Variants in UBXN2B observed in about 807,000 individuals in gnomAD.
UBXN2B encodes the protein UBX domain protein 2B, also known as UBX domain-containing protein 2B.
UBXN2B carries 19 observed loss-of-function variants against 37.5 expected under a neutral mutation model. The observed-to-expected ratio is 0.51, with a 90% CI of 0.35 to 0.74. UBXN2B has a LOEUF of 0.74. Ranked by LOEUF, UBXN2B falls within the 30% of genes least tolerant of loss-of-function variation. UBXN2B has a pLI of 0.01. For synonymous variants in UBXN2B, 145 were observed against 143.8 expected (o/e 1.01, Z -0.06); for missense variants, 370 against 393.2 (o/e 0.94, Z 0.50).
At chr8:58,438,338 T>A (rs1023026455) in intron 5 of UBXN2B, among the ~76,000 whole-genome samples, 1 of 152,056 alleles carries the variant, frequency 6.6e-6, no homozygotes, top group Non-Finnish European at 1.5e-5. Flanking sequence ...AGGTGCCACC[T>A]CCAGACCCAG....
At chr8:58,424,884 C>A (rs1455436524) in intron 2 of UBXN2B, 4 of 1,073,490 alleles carry the variant, frequency 3.7e-6, no homozygotes, top group African/African-American at 1.5e-5. Flanking sequence ...GAGACTGCAC[C>A]ATCTGGATAG....
chr8:58,445,779 A>G, intron 6 of UBXN2B, 128 bp from the exon 7 acceptor site: 2 of 753,232 alleles, frequency 2.7e-6, no homozygotes, highest in Non-Finnish European at 3.8e-6. Flanking sequence ...AAATAACTTT[A>G]ATATAATGAA....
rs1312989511 is a variant in UBXN2B at position 58,411,507 on chromosome 8, ACGCGGGCTGGTGACGG to A, written c.84+51_84+66del. The A allele has an allele frequency of 8.0e-6, 10 of 1,244,420 alleles. 1 individual carries two copies. The highest frequency in any genetic ancestry group is 6.3e-5 in the East Asian group (2 of 31,682). The allele number at this position is 1,244,420 out of a possible 1,614,324, so 77.1% of individuals were successfully genotyped here. A position where few individuals can be genotyped will look rare whatever the true frequency, so the allele number is the denominator to read the frequency against. On this transcript the variant is annotated intron_variant, in intron 1 of 7. Transcript: ENST00000399598. ...GCCGGGGGAGGGAGCGCGGCGGTGG[ACGCGGGCTGGTGACGG>A]CGCGGGCTGGTGCGAGTTGGAGGCC...
intron 1 of UBXN2B, among the ~76,000 whole-genome samples, chr8:58,414,665 T>G (rs377062204): frequency 6.6e-6 from 1 of 152,104 alleles, no homozygotes; most frequent in Admixed American, 6.5e-5. Context: ...TAAATTAAAT[T>G]TCTTTGTAGT....
intron 2 of UBXN2B, among the ~76,000 whole-genome samples, chr8:58,420,247 G>A (rs1050659807): frequency 6.6e-6 from 1 of 151,918 alleles, no homozygotes; most frequent in African/African-American, 2.4e-5. Flanking sequence ...ATACAGCTTT[G>A]CAACTAGCAA....
At chr8:58,435,974 A>G (rs1808402485) in intron 5 of UBXN2B, among the ~76,000 whole-genome samples, 1 of 152,204 alleles carries the variant, frequency 6.6e-6, no homozygotes, top group African/African-American at 2.4e-5. Context: ...TGATTCTCCA[A>G]AAGAAATTAA....
At chr8:58,435,531 A>G (rs936772685) in intron 5 of UBXN2B, among the ~76,000 whole-genome samples, 2 of 152,178 alleles carry the variant, frequency 1.3e-5, no homozygotes, top group African/African-American at 4.8e-5. Flanking sequence ...AAACCTGCAG[A>G]ATCACTGGGA....
At chr8:58,435,773 C>T (rs1808397671) in intron 5 of UBXN2B, among the ~76,000 whole-genome samples, 1 of 152,106 alleles carries the variant, frequency 6.6e-6, no homozygotes. Context: ...ATTTGAGCCA[C>T]ACCATATCTG....
At position 58,434,379 on chromosome 8, in the gene UBXN2B, T is replaced by C; in HGVS notation, c.424-16T>C. ...TATATATATATATATATTTTTTTTT[T>C]TTCTATACCCAAAAGGTTCAGATTT... On this transcript the variant is annotated splice_polypyrimidine_tract_variant and intron_variant, in intron 4 of 7. Transcript: ENST00000399598. 1 of 1,155,490 alleles carries C rather than the reference T, an allele frequency of 8.7e-7. No individual in the cohort carries two copies. The highest frequency in any genetic ancestry group is 1.1e-6 in the Non-Finnish European group (1 of 888,432). The allele number at this position is 1,155,490 out of a possible 1,614,324, so 71.6% of individuals were successfully genotyped here. A position where few individuals can be genotyped will look rare whatever the true frequency, so the allele number is the denominator to read the frequency against.
chr8:58,434,539 A>G, intron 5 of UBXN2B, 35 bp downstream of exon 5: 1 of 1,422,290 alleles, frequency 7.0e-7, no homozygotes, highest in Non-Finnish European at 9.5e-7. Flanking sequence ...TTTGTTATGT[A>G]GAGTGGGACT....
At chr8:58,436,494 T>C (rs6993992) in intron 5 of UBXN2B, among the ~76,000 whole-genome samples, 47,532 of 152,014 alleles carry the variant, frequency 0.31, 7,908 homozygotes, top group Admixed American at 0.48. Context: ...ACCTCGACAC[T>C]GAATGACAGC....
At chr8:58,411,812 C>A (rs1807646079) in intron 1 of UBXN2B, among the ~76,000 whole-genome samples, 1 of 152,182 alleles carries the variant, frequency 6.6e-6, no homozygotes, top group African/African-American at 2.4e-5. Context: ...GTTACTGTGG[C>A]CGCAGGGAAG....
intron 6 of UBXN2B, among the ~76,000 whole-genome samples, chr8:58,441,669 C>T (rs1808553808): frequency 6.6e-6 from 1 of 152,014 alleles, no homozygotes. Flanking sequence ...TTATTAAACT[C>T]ATGAAAATAA....
intron 2 of UBXN2B, chr8:58,425,444 T>C (rs1808057208): frequency 2.6e-6 from 3 of 1,135,154 alleles, no homozygotes; most frequent in Non-Finnish European, 4.0e-6. Context: ...TTGGGCATGA[T>C]GATATTTGCA....
Position 58,446,779 on chromosome 8 carries a change from A to ATTTTTTTTTTTTTTTTTTTTTTT in UBXN2B, c.834-596_834-574dup, listed in dbSNP as rs869090698. 3.0e-3 allele frequency among the ~76,000 whole-genome samples: 52 copies of ATTTTTTTTTTTTTTTTTTTTTTT among 17,402 alleles called. 19 individuals are homozygous for ATTTTTTTTTTTTTTTTTTTTTTT. Among genetic ancestry groups the ATTTTTTTTTTTTTTTTTTTTTTT allele is most frequent in the South Asian group, 4.9e-3 (1 of 206 alleles). 11.4% of individuals were successfully genotyped at this position (17,402 alleles called of 152,430 possible). On this transcript the variant is annotated intron_variant, in intron 7 of 7. Transcript: ENST00000399598. ...ATACTCCGAAAAAAGTACAACCTGC[A>ATTTTTTTTTTTTTTTTTTTTTTT]TTTTTTTTTTTTTTTTTTTTTTTTT...
chr8:58,416,906 T>C lies in UBXN2B; in HGVS notation c.141T>C (p.Asn47=). The C allele has an allele frequency of 6.2e-7, 1 of 1,613,022 alleles. No homozygotes were observed. The highest frequency in any genetic ancestry group is 8.5e-7 in the Non-Finnish European group (1 of 1,179,200). Residue 47 remains asparagine (N), a synonymous_variant, in exon 2 of 8, where the codon AAT becomes AAC. Transcript: ENST00000399598. ...DEVKCKSSKS[N]RPKATVFKSP... ...TGAAGTGCAAATCTTCCAAGTCTAATAGACCTAAAGCCACAGTCTTCAAGA... is the reference window on the plus strand; with the variant it reads ...TGAAGTGCAAATCTTCCAAGTCTAACAGACCTAAAGCCACAGTCTTCAAGA...
intron 2 of UBXN2B, chr8:58,425,229 G>T: frequency 1.9e-6 from 2 of 1,072,616 alleles, no homozygotes; most frequent in Non-Finnish European, 1.5e-6. Flanking sequence ...CACGCATGAT[G>T]CCATATTCTT....
chr8:58,428,184 A>G (rs1808152686), intron 2 of UBXN2B, among the ~76,000 whole-genome samples: 1 of 152,202 alleles, frequency 6.6e-6, no homozygotes, highest in Non-Finnish European at 1.5e-5. Flanking sequence ...CAGGGAGTAA[A>G]TGCACGGGAA....
At chr8:58,444,426 G>C (rs1808621971) in intron 6 of UBXN2B, among the ~76,000 whole-genome samples, 1 of 152,202 alleles carries the variant, frequency 6.6e-6, no homozygotes, top group Non-Finnish European at 1.5e-5. Context: ...TAAGTGCAGA[G>C]TTGGGATTGA....
Sources: allele counts gnomAD v4.1 joint callset (sites outside exome capture counted in the v4.1 genomes callset), GRCh38; gene constraint gnomAD v4.1.1; transcripts MANE v1.5; gene names NCBI Gene and HGNC (gene_info 2026-07-23, HGNC 2026-07-21).